The following SLX4IP variants were observed in gnomAD, a reference collection of about 807,000 sequenced individuals.
SLX4IP encodes the protein protein SLX4IP.
Under a neutral mutation model 32.9 loss-of-function variants are expected in SLX4IP, and 34 were observed. The ratio of observed to expected loss-of-function variants is 1.03; its 90% confidence interval spans 0.79 to 1.38. The LOEUF (loss-of-function observed/expected upper bound fraction) is 1.38. SLX4IP is among the 40% of genes most tolerant of loss of function. The pLI is 0.00. For synonymous variants in SLX4IP, 172 were observed against 171.7 expected (o/e 1.00, Z -0.01); for missense variants, 444 against 479.0 (o/e 0.93, Z 0.68).
Position 10,556,273 on chromosome 20 carries a change from C to T in SLX4IP, c.70C>T (p.Gln24Ter). 6.2e-7 allele frequency: 1 copy of T among 1,613,274 alleles called. No individual in the cohort carries two copies. The highest frequency in any genetic ancestry group is 8.5e-7 in the Non-Finnish European group (1 of 1,179,752). Residue 24 changes from glutamine to a stop codon, truncating the protein, a stop_gained, in exon 3 of 8, where the codon CAA (glutamine) becomes TAA (stop). Coordinates refer to ENST00000334534, the MANE Select transcript of SLX4IP (RefSeq NM_001009608.3). LOFTEE classifies it high-confidence loss of function. Reference sequence around the variant, plus strand: ...CCTCGTGGATCTTCATATCTTGCCACAAGGTTCAAACAAAGATACAAGCTG... The same window carrying T: ...CCTCGTGGATCTTCATATCTTGCCATAAGGTTCAAACAAAGATACAAGCTG... Reference protein sequence around the residue: ...AVLVDLHILPQGSNKDTSWFS... With the variant: ...AVLVDLHILP
intron 2 of SLX4IP, among the ~76,000 whole-genome samples, chr20:10,470,636 G>T (rs376355626): frequency 4.8e-4 from 73 of 152,196 alleles, no homozygotes; most frequent in African/African-American, 1.7e-3. Context: ...TTTAATATGA[G>T]GTGAAAAAAG....
At chr20:10,456,898 C>G (rs1249622204) in intron 1 of SLX4IP, among the ~76,000 whole-genome samples, 1 of 152,140 alleles carries the variant, frequency 6.6e-6, no homozygotes, top group African/African-American at 2.4e-5. Flanking sequence ...TCTTTAATTT[C>G]TTTCAATTAT....
At chr20:10,620,140 G>A (rs2067091315) in intron 6 of SLX4IP, among the ~76,000 whole-genome samples, 1 of 152,162 alleles carries the variant, frequency 6.6e-6, no homozygotes, top group South Asian at 2.1e-4. Flanking sequence ...TTCCAGTGTA[G>A]GTCTAAAGCA....
intron 2 of SLX4IP, among the ~76,000 whole-genome samples, chr20:10,464,917 G>C: frequency 6.6e-6 from 1 of 152,012 alleles, no homozygotes. Context: ...GGCCTCCTAC[G>C]TAGCTGGGAC....
chr20:10,603,216 A>T (rs2066864235), intron 6 of SLX4IP, among the ~76,000 whole-genome samples: 1 of 152,258 alleles, frequency 6.6e-6, no homozygotes, highest in South Asian at 2.1e-4. Context: ...TTCAAATGAA[A>T]TACAGGAGAA....
intron 2 of SLX4IP, among the ~76,000 whole-genome samples, chr20:10,485,887 T>A (rs1347873498): frequency 6.6e-6 from 1 of 152,102 alleles, no homozygotes; most frequent in Non-Finnish European, 1.5e-5. Context: ...AAGTAGATCG[T>A]CATAAAGATC....
At chr20:10,622,364 G>GT (rs2067121209) in intron 7 of SLX4IP, among the ~76,000 whole-genome samples, 1 of 152,118 alleles carries the variant, frequency 6.6e-6, no homozygotes, top group Admixed American at 6.5e-5. Context: ...CTTAACATTG[G>GT]AAATGAATAC....
chr20:10,586,766 A>G (rs1380695928), intron 4 of SLX4IP, among the ~76,000 whole-genome samples: 1 of 152,216 alleles, frequency 6.6e-6, no homozygotes, highest in East Asian at 1.9e-4. Context: ...ATAAAAGACT[A>G]TTAAGAACAA....
intron 6 of SLX4IP, 54 bp from the exon 7 acceptor site, chr20:10,621,260 T>C: frequency 6.7e-7 from 1 of 1,497,800 alleles, no homozygotes; most frequent in South Asian, 1.1e-5. Context: ...AACTGTTTTC[T>C]CTCATGTTCA....
At chr20:10,444,032 T>C (rs1342069659) in intron 1 of SLX4IP, among the ~76,000 whole-genome samples, 5 of 152,172 alleles carry the variant, frequency 3.3e-5, no homozygotes, top group African/African-American at 1.2e-4. Flanking sequence ...TAGTTCTTTA[T>C]AGCATTGCAA....
rs529880581 is a variant in SLX4IP at position 10,627,534 on chromosome 20, A to G, written c.*4155A>G. 1 of 152,230 alleles carries G rather than the reference A, an allele frequency of 6.6e-6. No individual in the cohort carries two copies. Among genetic ancestry groups the G allele is most frequent in the South Asian group, 2.1e-4 (1 of 4,834 alleles). 9.4% of individuals were successfully genotyped at this position (152,230 alleles called of 1,614,324 possible). On this transcript the variant is annotated 3_prime_UTR_variant, in exon 8 of 8. Coordinates refer to ENST00000334534, the MANE Select transcript of SLX4IP (RefSeq NM_001009608.3). Reference sequence around the variant, plus strand: ...CAGGACTCACTCTAATTTGCTTTCTATATTTATTTACAAGACAGGGAACAA... The same window carrying G: ...CAGGACTCACTCTAATTTGCTTTCTGTATTTATTTACAAGACAGGGAACAA...
intron 2 of SLX4IP, among the ~76,000 whole-genome samples, chr20:10,507,052 C>T (rs1457475112): frequency 2.0e-5 from 3 of 152,182 alleles, no homozygotes; most frequent in African/African-American, 4.8e-5. Flanking sequence ...AAATTCTACT[C>T]TCTGGGCAAA....
intron 2 of SLX4IP, among the ~76,000 whole-genome samples, chr20:10,471,379 C>T (rs1191422204): frequency 6.6e-6 from 1 of 152,154 alleles, no homozygotes; most frequent in Non-Finnish European, 1.5e-5. Context: ...ATTAATGTGT[C>T]AAACTAATAT....
At chr20:10,572,035 C>G (rs573132164) in intron 4 of SLX4IP, among the ~76,000 whole-genome samples, 1 of 152,166 alleles carries the variant, frequency 6.6e-6, no homozygotes, top group African/African-American at 2.4e-5. Flanking sequence ...GGTACCTTAC[C>G]GAGCGTCCAC....
At chr20:10,603,108 C>G (rs1209303221) in intron 6 of SLX4IP, among the ~76,000 whole-genome samples, 1 of 152,146 alleles carries the variant, frequency 6.6e-6, no homozygotes, top group Non-Finnish European at 1.5e-5. Context: ...TGGCATACAT[C>G]TAAAATATAA....
chr20:10,455,967 A>C (rs1386266480), intron 1 of SLX4IP, among the ~76,000 whole-genome samples: 1 of 152,114 alleles, frequency 6.6e-6, no homozygotes, highest in African/African-American at 2.4e-5. Context: ...AAAATCCAAA[A>C]TACGAAATCC....
At chr20:10,612,868 A>G (rs1357011144) in intron 6 of SLX4IP, 2 of 153,220 alleles carry the variant, frequency 1.3e-5, no homozygotes, top group Middle Eastern at 3.2e-3. Context: ...TTTAATCATC[A>G]TGTTTTACCT....
chr20:10,512,778 C>CTATATATATATATATATA lies in SLX4IP; in HGVS notation c.28-43426_28-43409dup, dbSNP rs57942782. On this transcript the variant is annotated intron_variant, in intron 2 of 7. Coordinates refer to ENST00000334534, the MANE Select transcript of SLX4IP (RefSeq NM_001009608.3). ...ATGTATATATATACACACACACACT[C>CTATATATATATATATATA]TATATATATATATATATATATATAT... Among the ~76,000 whole-genome samples the CTATATATATATATATATA allele has an allele frequency of 1.4e-3, 37 of 25,550 alleles. 1 individual carries two copies. Among genetic ancestry groups the CTATATATATATATATATA allele is most frequent in the African/African-American group, 3.0e-3 (19 of 6,300 alleles). 16.8% of individuals were successfully genotyped at this position (25,550 alleles called of 152,430 possible). A position where few individuals can be genotyped will look rare whatever the true frequency, so the allele number is the denominator to read the frequency against.
At chr20:10,581,353 C>T (rs929129619) in intron 4 of SLX4IP, among the ~76,000 whole-genome samples, 11 of 152,038 alleles carry the variant, frequency 7.2e-5, no homozygotes, top group African/African-American at 2.4e-4. Flanking sequence ...ATGTGAGAAC[C>T]TTGGTGGGAG....
Sources: gnomAD v4.1 joint callset for allele counts (sites outside exome capture counted in the v4.1 genomes callset) on GRCh38, gnomAD v4.1.1 for gene constraint, MANE v1.5 for transcripts, NCBI Gene and HGNC (gene_info 2026-07-23, HGNC 2026-07-21) for gene names.